Variants in EML1 observed in about 807,000 individuals in gnomAD.
EML1 encodes the protein echinoderm microtubule-associated protein-like 1.
In EML1, 27 loss-of-function variants were observed where a neutral mutation model predicts 110.4. The ratio of observed to expected loss-of-function variants is 0.24; its 90% CI spans 0.18 to 0.34. EML1 has a LOEUF of 0.34. EML1 is among the 10% of genes least tolerant of loss of function. EML1 has a pLI of 1.00. For synonymous variants in EML1, 344 were observed against 385.8 expected (o/e 0.89, Z 1.27); for missense variants, 741 against 1,030.9 (o/e 0.72, Z 3.85).
chr14:99,811,797 T>A (rs2139716661), intron 1 of EML1, among the ~76,000 whole-genome samples: 1 of 144,036 alleles, frequency 6.9e-6, no homozygotes, highest in Admixed American at 7.2e-5. Context: ...GCAACAGGAA[T>A]GAGACTATGT....
At position 99,905,390 on chromosome 14, in the gene EML1, G is replaced by T. The variant is rs1051351616; in HGVS notation, c.1009-2248G>T. 6.6e-6 allele frequency among the ~76,000 whole-genome samples: 1 copy of T among 152,118 alleles called. No individual in the cohort carries two copies. ...GGTCTCTGGGCAAGATGGTGGCCCTGAGTAATAGAAAACATAAGAAAGGGA... is the reference window on the plus strand; with the variant it reads ...GGTCTCTGGGCAAGATGGTGGCCCTTAGTAATAGAAAACATAAGAAAGGGA... On this transcript the variant is annotated intron_variant, in intron 9 of 21. Coordinates refer to ENST00000262233, the MANE Select transcript of EML1 (RefSeq NM_004434.3). The surrounding 1 kb of genome is among the most constrained non-coding windows in gnomAD (Gnocchi z 4.1).
intron 1 of EML1, among the ~76,000 whole-genome samples, chr14:99,841,654 G>T (rs1433909161): frequency 1.3e-5 from 2 of 152,168 alleles, no homozygotes; most frequent in Non-Finnish European, 2.9e-5. Flanking sequence ...CCCTGAGAAG[G>T]GTTGTTGGCA....
At chr14:99,890,652 G>T (rs948176339) in intron 4 of EML1, among the ~76,000 whole-genome samples, 1 of 152,170 alleles carries the variant, frequency 6.6e-6, no homozygotes, top group Admixed American at 6.5e-5. Context: ...GTCAGCAGGG[G>T]TGTCCCTACC....
rs75145123 is a variant in EML1, at chr14:99,762,243, A to G, written c.28+24383A>G. On this transcript the variant is annotated intron_variant, in intron 1 of 10. Transcript: ENST00000554479. ...TGCTTTTAAATCTAGTGTTTTTTTC[A>G]TAAACTTCAAAAAAAATTGAAATGC... Among the ~76,000 whole-genome samples the G allele has an allele frequency of 5.7e-3, 870 of 152,232 alleles. 51 individuals are homozygous for G. The East Asian group carries it at 0.13, about 22-fold the overall frequency.
At chr14:99,864,632 C>T (rs1206594594) in intron 2 of EML1, among the ~76,000 whole-genome samples, 2 of 151,508 alleles carry the variant, frequency 1.3e-5, no homozygotes, top group African/African-American at 4.9e-5. Context: ...GCCAACATGG[C>T]GAAACCCCAT....
chr14:99,745,414 A>G (rs2057096892), intron 1 of EML1, among the ~76,000 whole-genome samples: 2 of 152,234 alleles, frequency 1.3e-5, no homozygotes, highest in Non-Finnish European at 2.9e-5. Flanking sequence ...GCACACACAC[A>G]CGCACACACT....
chr14:99,834,309 CTT>C (rs71113226), intron 1 of EML1, among the ~76,000 whole-genome samples: 1 of 148,438 alleles, frequency 6.7e-6, no homozygotes, highest in Admixed American at 6.7e-5. Context: ...AGAATGTTTC[CTT>C]TTTTTTTTTG....
At position 99,834,994 on chromosome 14, in the gene EML1, A is replaced by ACT. The variant is rs1555394297; in HGVS notation, c.68-15859_68-15858insCT. Among the ~76,000 whole-genome samples, 693 of 151,358 alleles carry ACT rather than the reference A, an allele frequency of 4.6e-3. 5 individuals are homozygous for ACT. The highest frequency in any genetic ancestry group is 0.018 in the South Asian group (85 of 4,758). Reference sequence around the variant, plus strand: ...ACCACCATACCCAGCTAATTTTTGTATTTTTTTTGTAGAGATGGGGTTTTC... The same window carrying ACT: ...ACCACCATACCCAGCTAATTTTTGTACTTTTTTTTTGTAGAGATGGGGTTTTC... On this transcript the variant is annotated intron_variant, in intron 1 of 21. Coordinates refer to ENST00000262233, the MANE Select transcript of EML1 (RefSeq NM_004434.3).
At position 99,932,275 on chromosome 14, in the gene EML1, T is replaced by G. The variant is rs186498315; in HGVS notation, c.1910-3754T>G. Among the ~76,000 whole-genome samples the G allele has an allele frequency of 2.0e-5, 3 of 152,316 alleles. No homozygotes were observed. The East Asian group carries it at 5.8e-4, about 29-fold the overall frequency. On this transcript the variant is annotated intron_variant, in intron 17 of 21. Coordinates refer to ENST00000262233, the MANE Select transcript of EML1 (RefSeq NM_004434.3). The stretch of plus-strand genomic sequence containing the variant: ...ATAGGAAAAAGGAATTACAATCTGA[T>G]TAAGCCTGTCAGAGATAGAAGTGGA...
At chr14:99,907,445 A>T in intron 9 of EML1, 193 bp from the exon 10 acceptor site, 1 of 602,162 alleles carries the variant, frequency 1.7e-6, no homozygotes, top group Non-Finnish European at 2.9e-6. Context: ...TGTGACCTGG[A>T]TGACAGAGCA....
chr14:99,922,855 G>A lies in EML1; in HGVS notation c.1909+1978G>A, dbSNP rs2060154449. On this transcript the variant is annotated intron_variant, in intron 17 of 21. Transcript: ENST00000262233. Reference sequence around the variant, plus strand: ...GGGCTGTTTGTCTTACTGTTGAGTAGTAAGTCCTCTTTATATATTCCGTAT... The same window carrying A: ...GGGCTGTTTGTCTTACTGTTGAGTAATAAGTCCTCTTTATATATTCCGTAT... Among the ~76,000 whole-genome samples the A allele has an allele frequency of 2.0e-5, 3 of 152,134 alleles. No individual in the cohort carries two copies. The South Asian group carries it at 6.2e-4, about 32-fold the overall frequency.
chr14:99,756,840 C>G (rs1447446383), intron 1 of EML1, among the ~76,000 whole-genome samples: 2 of 152,168 alleles, frequency 1.3e-5, no homozygotes, highest in Non-Finnish European at 2.9e-5. Context: ...CTCTCACGTC[C>G]CCTTTCCTGT....
chr14:99,859,829 A>G (rs1334960972), intron 2 of EML1, among the ~76,000 whole-genome samples: 3 of 152,150 alleles, frequency 2.0e-5, no homozygotes, highest in Non-Finnish European at 4.4e-5. Context: ...TCTTCACATT[A>G]TATTCACGAT....
chr14:99,891,339 T>C, intron 5 of EML1, 112 bp downstream of exon 5: 2 of 1,389,132 alleles, frequency 1.4e-6, no homozygotes, highest in East Asian at 2.3e-5. Flanking sequence ...ACAGGAGCTT[T>C]GGTTTGTGCA....
intron 1 of EML1, among the ~76,000 whole-genome samples, chr14:99,815,716 T>C (rs1416493568): frequency 2.6e-5 from 4 of 152,102 alleles, no homozygotes; most frequent in Non-Finnish European, 5.9e-5. Flanking sequence ...ATTAGGAAAA[T>C]TTCTGAGTTA....
At chr14:99,754,450 C>T (rs937786494) in intron 1 of EML1, among the ~76,000 whole-genome samples, 2 of 152,152 alleles carry the variant, frequency 1.3e-5, no homozygotes, top group Non-Finnish European at 2.9e-5. Context: ...TGGGTGGGGC[C>T]GTGACTCCCA....
intron 13 of EML1, among the ~76,000 whole-genome samples, chr14:99,913,830 C>A (rs888354623): frequency 2.0e-5 from 3 of 151,942 alleles, no homozygotes; most frequent in African/African-American, 7.3e-5. Flanking sequence ...GCTGGGATTA[C>A]AGCCACCCAC....
At chr14:99,820,573 C>A (rs78868761) in intron 1 of EML1, among the ~76,000 whole-genome samples, 1 of 152,260 alleles carries the variant, frequency 6.6e-6, no homozygotes, top group Non-Finnish European at 1.5e-5. Context: ...AGGCAAAATA[C>A]GAAACCAAAG....
intron 1 of EML1, among the ~76,000 whole-genome samples, chr14:99,740,005 C>T (rs142338971): frequency 3.9e-5 from 6 of 152,154 alleles, no homozygotes; most frequent in Non-Finnish European, 7.3e-5. Flanking sequence ...AACTCCTCAA[C>T]GTGCACTAAG....
Sources: allele counts gnomAD v4.1 joint callset (sites outside exome capture counted in the v4.1 genomes callset), GRCh38; gene constraint gnomAD v4.1.1; non-coding constraint Gnocchi (gnomAD v3.1); transcripts MANE v1.5; gene names NCBI Gene and HGNC (gene_info 2026-07-23, HGNC 2026-07-21).